The following PHTF2 variants were observed in gnomAD, a reference collection of about 807,000 sequenced individuals.
The protein encoded by PHTF2 is protein PHTF2.
PHTF2 carries 60 observed loss-of-function variants against 101.2 expected under a neutral mutation model. The observed-to-expected ratio is 0.59, with a 90% CI of 0.48 to 0.73. PHTF2 has a LOEUF of 0.73. Ranked by LOEUF, PHTF2 falls within the 30% of genes least tolerant of loss-of-function variation. PHTF2 has a pLI of 0.00. For synonymous variants in PHTF2, 311 were observed against 307.3 expected, an observed-to-expected ratio of 1.01 and a Z score of -0.13; for missense variants, 747 against 908.7, an observed-to-expected ratio of 0.82 and a Z score of 2.29.
intron 2 of PHTF2, among the ~76,000 whole-genome samples, chr7:77,841,142 C>T (rs951056617): frequency 2.4e-5 from 3 of 125,004 alleles, no homozygotes; most frequent in Non-Finnish European, 4.7e-5. Context: ...TGTAGTGGCG[C>T]GATCTCGGCT....
At chr7:77,910,955 C>T (rs1459692636) in intron 9 of PHTF2, among the ~76,000 whole-genome samples, 1 of 152,096 alleles carries the variant, frequency 6.6e-6, no homozygotes, top group Non-Finnish European at 1.5e-5. Flanking sequence ...TACTATTTTA[C>T]TTGTGTTAAT....
At chr7:77,856,134 C>T (rs1797162571) in intron 3 of PHTF2, among the ~76,000 whole-genome samples, 1 of 152,044 alleles carries the variant, frequency 6.6e-6, no homozygotes, top group South Asian at 2.1e-4. Flanking sequence ...TGTGCACACC[C>T]AGCTACTTAC....
chr7:77,809,224 G>GTT (rs34141515), intron 1 of PHTF2, among the ~76,000 whole-genome samples: 30 of 98,480 alleles, frequency 3.0e-4, no homozygotes, highest in East Asian at 8.0e-4. Context: ...CCAGTTCGTT[G>GTT]TTTTTTTTTT....
chr7:77,888,296 A>G (rs977775694), intron 3 of PHTF2, among the ~76,000 whole-genome samples: 2 of 152,074 alleles, frequency 1.3e-5, no homozygotes, highest in Non-Finnish European at 2.9e-5. Flanking sequence ...TTGTATTTTT[A>G]GTAGAGACGG....
intron 9 of PHTF2, among the ~76,000 whole-genome samples, chr7:77,913,770 C>T (rs1234932030): frequency 6.6e-5 from 10 of 152,214 alleles, no homozygotes; most frequent in African/African-American, 2.4e-4. Context: ...TTAACTTTCA[C>T]TTTAGTGTTA....
chr7:77,849,836 C>G (rs1253650663), intron 2 of PHTF2, among the ~76,000 whole-genome samples: 1 of 152,162 alleles, frequency 6.6e-6, no homozygotes, highest in Non-Finnish European at 1.5e-5. Context: ...AGAAATGCTA[C>G]TGATTTTTTT....
exon 9 of PHTF2, chr7:77,910,262 C>T: frequency 6.2e-7 from 1 of 1,611,070 alleles, no homozygotes. Flanking sequence ...AGAAAAGCAG[C>T]CCATTTGGAA....
At chr7:77,908,937 G>C (rs757146800) in exon 8 of PHTF2, 1 of 1,601,804 alleles carries the variant, frequency 6.2e-7, no homozygotes, top group Admixed American at 1.8e-5. Context: ...CCTCCTCTAA[G>C]TACAGGGGGT....
At chr7:77,945,078 G>A (rs959517025) in intron 16 of PHTF2, among the ~76,000 whole-genome samples, 2 of 152,330 alleles carry the variant, frequency 1.3e-5, no homozygotes, top group South Asian at 2.1e-4. Flanking sequence ...GGTGGCCCAC[G>A]CCTGTAATCC....
intron 1 of PHTF2, among the ~76,000 whole-genome samples, chr7:77,824,116 T>C (rs1045915710): frequency 2.6e-5 from 4 of 152,024 alleles, no homozygotes; most frequent in Non-Finnish European, 4.4e-5. Context: ...AATTATTGAG[T>C]GGTTTCTGTG....
chr7:77,906,967 A>G (rs1801924697), intron 7 of PHTF2, among the ~76,000 whole-genome samples: 1 of 150,930 alleles, frequency 6.6e-6, no homozygotes, highest in Admixed American at 6.6e-5. Context: ...CTATTCACCA[A>G]TGTTAAGTAT....
At chr7:77,854,402 C>T (rs1797003120) in intron 2 of PHTF2, among the ~76,000 whole-genome samples, 1 of 152,164 alleles carries the variant, frequency 6.6e-6, no homozygotes, top group Admixed American at 6.5e-5. Context: ...AGACCTGAAG[C>T]CAATATGGCA....
intron 2 of PHTF2, among the ~76,000 whole-genome samples, chr7:77,852,889 T>TA (rs1334285006): frequency 2.6e-5 from 4 of 152,250 alleles, no homozygotes; most frequent in African/African-American, 7.2e-5. Context: ...GTCAGCACTT[T>TA]AAATATGTCA....
At chr7:77,904,997 T>A (rs76940820) in intron 7 of PHTF2, among the ~76,000 whole-genome samples, 16,229 of 152,226 alleles carry the variant, frequency 0.11, 1,163 homozygotes, top group African/African-American at 0.19. Context: ...AGATTTTTTT[T>A]AATTTTTTTA....
At chr7:77,953,311 A>G (rs1358777194) in intron 18 of PHTF2, among the ~76,000 whole-genome samples, 2 of 152,246 alleles carry the variant, frequency 1.3e-5, no homozygotes, top group Non-Finnish European at 2.9e-5. Context: ...GGCTTGGCAT[A>G]TGATAGAACT....
chr7:77,937,125 T>C (rs995144158), intron 12 of PHTF2, among the ~76,000 whole-genome samples: 1 of 152,156 alleles, frequency 6.6e-6, no homozygotes, highest in African/African-American at 2.4e-5. Context: ...AATGCTGGAT[T>C]AAAATATCAG....
At chr7:77,871,247 A>G (rs1798492980) in intron 3 of PHTF2, among the ~76,000 whole-genome samples, 1 of 152,200 alleles carries the variant, frequency 6.6e-6, no homozygotes, top group Non-Finnish European at 1.5e-5. Flanking sequence ...GCATGGTGAT[A>G]TTAAGAGACG....
rs561248467 is a variant in PHTF2 at position 77,832,930 on chromosome 7, T to A, written c.-35-7291T>A. Among the ~76,000 whole-genome samples, 3 of 152,190 alleles carry A rather than the reference T, an allele frequency of 2.0e-5. No individual in the cohort carries two copies. In the South Asian group the frequency reaches 6.2e-4, roughly 32 times the overall value. ...TGTCTTCCACAAAACCAGTCCCTGGTGCTAAAAAAGGTTGGGGACTGCTGC... is the reference window on the plus strand; with the variant it reads ...TGTCTTCCACAAAACCAGTCCCTGGAGCTAAAAAAGGTTGGGGACTGCTGC... On this transcript the variant is annotated intron_variant, in intron 1 of 19. Transcript: ENST00000416283.
chr7:77,921,641 A>T (rs553851512), intron 10 of PHTF2, among the ~76,000 whole-genome samples: 1 of 152,306 alleles, frequency 6.6e-6, no homozygotes, highest in East Asian at 1.9e-4. Context: ...TAGCTCTGAT[A>T]ATGTGAGCCT....
Sources: allele counts gnomAD v4.1 joint callset (sites outside exome capture counted in the v4.1 genomes callset), GRCh38; gene constraint gnomAD v4.1.1; transcripts MANE v1.5; gene names NCBI Gene and HGNC (gene_info 2026-07-23, HGNC 2026-07-21).